EXD2: variants seen among roughly 807,000 people sequenced by gnomAD.
EXD2 encodes exonuclease 3'-5' domain containing 2.
Under a neutral mutation model 62.5 loss-of-function variants are expected in EXD2, and 40 were observed. That is an observed-to-expected ratio of 0.64 (90% CI 0.50 to 0.83). The LOEUF is 0.83. EXD2 is among the 40% of genes least tolerant of loss of function. The pLI is 0.00. For missense variants in EXD2, 671 were observed against 761.8 expected, an observed-to-expected ratio of 0.88 and a Z score of 1.40; for synonymous variants, 239 against 291.9, an observed-to-expected ratio of 0.82 and a Z score of 1.85.
At chr14:69,218,221 G>T (rs569047867) in intron 3 of EXD2, among the ~76,000 whole-genome samples, 1 of 152,016 alleles carries the variant, frequency 6.6e-6, no homozygotes, top group Non-Finnish European at 1.5e-5. Context: ...TTTAATGATC[G>T]CCATTCTAAC....
chr14:69,220,251 C>CTGTTTTTT (rs2043124776), intron 3 of EXD2, among the ~76,000 whole-genome samples: 4 of 60,642 alleles, frequency 6.6e-5, no homozygotes, highest in Admixed American at 2.2e-4. Flanking sequence ...TTTTGTCTCT[C>CTGTTTTTT]TGTTTTTTTT....
chr14:69,201,881 C>T (rs1033940628), intron 1 of EXD2, among the ~76,000 whole-genome samples: 3 of 151,814 alleles, frequency 2.0e-5, no homozygotes, highest in Non-Finnish European at 4.4e-5. Flanking sequence ...TGGGGTTTCA[C>T]CATATTGGTC....
At chr14:69,192,079 C>T (rs977220028) in intron 1 of EXD2, 13 of 152,308 alleles carry the variant, frequency 8.5e-5, no homozygotes, top group Admixed American at 3.9e-4. Flanking sequence ...TCCTCCCAGA[C>T]CACACCCTGC....
At chr14:69,230,809 G>A (rs1335116604) in intron 5 of EXD2, among the ~76,000 whole-genome samples, 1 of 152,156 alleles carries the variant, frequency 6.6e-6, no homozygotes, top group Non-Finnish European at 1.5e-5. Flanking sequence ...TTGAGATGGA[G>A]TCTCACTCTG....
At chr14:69,212,512 TTTA>T (rs1380367204) in intron 3 of EXD2, among the ~76,000 whole-genome samples, 4 of 151,678 alleles carry the variant, frequency 2.6e-5, no homozygotes, top group Non-Finnish European at 5.9e-5. Context: ...TTTGTTCTTC[TTTA>T]TTGTTTTTTT....
chr14:69,195,658 A>G (rs2042180762), intron 1 of EXD2, among the ~76,000 whole-genome samples: 1 of 152,186 alleles, frequency 6.6e-6, no homozygotes, highest in Non-Finnish European at 1.5e-5. Context: ...ACCCATACCA[A>G]TTAGAAGTCA....
chr14:69,232,230 C>T (rs911448965), intron 5 of EXD2, among the ~76,000 whole-genome samples: 5 of 152,144 alleles, frequency 3.3e-5, no homozygotes, highest in South Asian at 2.1e-4. Context: ...GGATAGTTGT[C>T]TGGCCCTGTG....
intron 2 of EXD2, chr14:69,209,081 A>C (rs978389194): frequency 1.9e-5 from 3 of 155,120 alleles, no homozygotes; most frequent in African/African-American, 7.2e-5. Context: ...CAGCAGTTAG[A>C]GGTGAGAGTC....
chr14:69,221,917 A>T (rs891492715), intron 3 of EXD2, among the ~76,000 whole-genome samples: 1 of 147,330 alleles, frequency 6.8e-6, no homozygotes, highest in Admixed American at 6.8e-5. Flanking sequence ...ACTAAAAAAA[A>T]AAAAAAAAAA....
chr14:69,209,280 G>A (rs2042723117), intron 2 of EXD2, 144 bp from the exon 3 acceptor site: 1 of 465,002 alleles, frequency 2.2e-6, no homozygotes, highest in East Asian at 3.4e-5. Flanking sequence ...TTAAACCATT[G>A]CTACTATTTC....
At chr14:69,230,002 C>T (rs1480927843) in intron 4 of EXD2, among the ~76,000 whole-genome samples, 1 of 152,082 alleles carries the variant, frequency 6.6e-6, no homozygotes, top group African/African-American at 2.4e-5. Context: ...TAAAACTCTG[C>T]GAAAGTCTAT....
intron 3 of EXD2, among the ~76,000 whole-genome samples, chr14:69,216,785 A>G (rs920897444): frequency 1.3e-5 from 2 of 152,166 alleles, no homozygotes; most frequent in Non-Finnish European, 2.9e-5. Flanking sequence ...TTGCGGGATA[A>G]TTAAATCTAG....
intron 3 of EXD2, among the ~76,000 whole-genome samples, chr14:69,219,287 A>G (rs1044178230): frequency 6.6e-6 from 1 of 152,152 alleles, no homozygotes; most frequent in South Asian, 2.1e-4. Flanking sequence ...ATGGGAGTTC[A>G]CTCATGATTT....
intron 3 of EXD2, among the ~76,000 whole-genome samples, chr14:69,221,793 G>C (rs1167992913): frequency 6.7e-6 from 1 of 150,364 alleles, no homozygotes; most frequent in Non-Finnish European, 1.5e-5. Flanking sequence ...TTATTGGCTG[G>C]CTGGGTGAGG....
At chr14:69,199,482 A>G (rs866543094) in intron 1 of EXD2, among the ~76,000 whole-genome samples, 3 of 152,342 alleles carry the variant, frequency 2.0e-5, no homozygotes, top group South Asian at 4.1e-4. Flanking sequence ...TTTTTATTTT[A>G]TAAACTTTTT....
At chr14:69,235,738 T>C in intron 6 of EXD2, 1 of 375,586 alleles carries the variant, frequency 2.7e-6, no homozygotes, top group Non-Finnish European at 4.9e-6. Flanking sequence ...TTGGCAGTTT[T>C]CTTGTTGCTT....
intron 2 of EXD2, among the ~76,000 whole-genome samples, chr14:69,204,990 A>G (rs559744420): frequency 3.8e-4 from 58 of 152,334 alleles, no homozygotes; most frequent in Middle Eastern, 3.4e-3. Context: ...CACATTAATC[A>G]TTCAGGCCAA....
chr14:69,219,889 C>A (rs2140272679), intron 3 of EXD2, among the ~76,000 whole-genome samples: 1 of 152,296 alleles, frequency 6.6e-6, no homozygotes, highest in South Asian at 2.1e-4. Flanking sequence ...TGATAGTGGA[C>A]ATCCTTGACT....
chr14:69,206,455 C>CCTTTTCTTTTTTTTTT (rs60787528), intron 2 of EXD2, among the ~76,000 whole-genome samples: 2 of 94,668 alleles, frequency 2.1e-5, no homozygotes, highest in African/African-American at 9.0e-5. Flanking sequence ...CACCCACCCA[C>CCTTTTCTTTTTTTTTT]TTTTTTTTTT....
Sources: gnomAD v4.1 joint callset for allele counts (sites outside exome capture counted in the v4.1 genomes callset) on GRCh38, gnomAD v4.1.1 for gene constraint, MANE v1.5 for transcripts, NCBI Gene and HGNC (gene_info 2026-07-23, HGNC 2026-07-21) for gene names.